The following RBL1 variants were observed in gnomAD, a reference collection of about 807,000 sequenced individuals.
The protein encoded by RBL1 is RB transcriptional corepressor like 1.
A neutral mutation model predicts 123.0 loss-of-function variants in RBL1; 82 were observed. The ratio of observed to expected loss-of-function variants is 0.67; its 90% CI spans 0.56 to 0.80. RBL1 has a LOEUF of 0.80. Among genes scored for constraint, RBL1 ranks in the 30% least tolerant of loss-of-function variants. The pLI, the probability that RBL1 is intolerant of heterozygous loss-of-function variation, is 0.00. For missense variants in RBL1, 1,171 were observed against 1,299.6 expected (o/e 0.90, Z 1.52); for synonymous variants, 405 against 441.3 (o/e 0.92, Z 1.03).
intron 2 of RBL1, among the ~76,000 whole-genome samples, chr20:37,072,222 A>G (rs1370978921): frequency 2.0e-5 from 3 of 152,232 alleles, no homozygotes; most frequent in Non-Finnish European, 2.9e-5. Context: ...TAATCCCAGC[A>G]CTTTGGGAGT....
intron 2 of RBL1, among the ~76,000 whole-genome samples, chr20:37,076,832 A>C (rs570412950): frequency 2.0e-5 from 3 of 152,248 alleles, no homozygotes; most frequent in South Asian, 4.1e-4. Flanking sequence ...TTATCTCTTA[A>C]ACTTTTCACT....
At chr20:37,051,429 C>T (rs1180980759) in intron 11 of RBL1, among the ~76,000 whole-genome samples, 5 of 152,156 alleles carry the variant, frequency 3.3e-5, no homozygotes, top group South Asian at 2.1e-4. Context: ...GATCCACCTG[C>T]GTTGGCCTCC....
intron 19 of RBL1, 129 bp from the exon 20 acceptor site, chr20:37,007,688 AT>A (rs1301080972): frequency 1.2e-6 from 1 of 829,230 alleles, no homozygotes; most frequent in Non-Finnish European, 1.8e-6. Flanking sequence ...GACCTCCTGG[AT>A]TCAAGTGATC....
intron 15 of RBL1, among the ~76,000 whole-genome samples, chr20:37,033,805 C>T (rs549205384): frequency 1.5e-4 from 22 of 151,652 alleles, no homozygotes; most frequent in South Asian, 1.0e-3. Context: ...TTAGTAGAGA[C>T]GGGGTTTCAC....
intron 2 of RBL1, among the ~76,000 whole-genome samples, chr20:37,069,105 G>C (rs1600574095): frequency 6.6e-6 from 1 of 152,272 alleles, no homozygotes; most frequent in African/African-American, 2.4e-5. Context: ...CTCCCGAGGT[G>C]CCGGGATTGC....
chr20:37,054,342 G>A (rs1183910598), intron 11 of RBL1, among the ~76,000 whole-genome samples: 1 of 151,908 alleles, frequency 6.6e-6, no homozygotes, highest in Non-Finnish European at 1.5e-5. Context: ...AAAATTAGCT[G>A]GGTGTGGTGG....
intron 19 of RBL1, among the ~76,000 whole-genome samples, chr20:37,013,273 TG>T (rs2064193883): frequency 6.6e-6 from 1 of 151,994 alleles, no homozygotes; most frequent in African/African-American, 2.4e-5. Context: ...GGGATCCTGT[TG>T]ATCTGTGACC....
chr20:37,003,568 A>G (rs1449251786), intron 21 of RBL1, 134 bp downstream of exon 21: 1 of 1,314,742 alleles, frequency 7.6e-7, no homozygotes, highest in East Asian at 2.7e-5. Context: ...ATGAGAGGAG[A>G]CATGCCATAG....
chr20:37,006,093 G>GT (rs1441802483), intron 20 of RBL1, among the ~76,000 whole-genome samples: 2 of 151,034 alleles, frequency 1.3e-5, no homozygotes, highest in Non-Finnish European at 3.0e-5. Context: ...AAGAGACAGG[G>GT]TCTTCCTGTG....
rs114935745 is a variant in RBL1, at chr20:37,028,644, G to A, written c.2382+4021C>T. On this transcript the variant is annotated intron_variant, in intron 16 of 21. Transcript: ENST00000373664. ...AGATCCAACATGTATTTGTCCCACA[G>A]TGAACTCCATTCTACGGCAACATAA... Among the ~76,000 whole-genome samples the A allele has an allele frequency of 1.0e-3, 159 of 152,300 alleles. 1 individual carries two copies. The highest frequency in any genetic ancestry group is 3.7e-3 in the African/African-American group (153 of 41,564).
At chr20:37,022,176 G>C (rs2064351385) in intron 17 of RBL1, among the ~76,000 whole-genome samples, 1 of 152,146 alleles carries the variant, frequency 6.6e-6, no homozygotes. Flanking sequence ...GTACAGTCAA[G>C]ACAAATGATT....
chr20:37,048,232 GT>G (rs1444532111), intron 11 of RBL1, among the ~76,000 whole-genome samples: 11 of 152,326 alleles, frequency 7.2e-5, no homozygotes, highest in Admixed American at 7.2e-4. Context: ...AGAATGGGAA[GT>G]GGGGGTGAAG....
At chr20:37,001,141 CCCGGCCAGCCGCCCCGT>C (rs1482517845) in intron 21 of RBL1, among the ~76,000 whole-genome samples, 1 of 149,576 alleles carries the variant, frequency 6.7e-6, no homozygotes, top group Non-Finnish European at 1.5e-5. Flanking sequence ...CAGCCCCCCG[CCCGGCCAGCCGCCCCGT>C]CCGGGAGGTG....
At chr20:37,094,870 T>G (rs1293554454) in intron 1 of RBL1, among the ~76,000 whole-genome samples, 1 of 152,230 alleles carries the variant, frequency 6.6e-6, no homozygotes, top group African/African-American at 2.4e-5. Context: ...ACTCCTGGCC[T>G]CAAGTGATCC....
Position 37,090,059 on chromosome 20 carries a change from A to C in RBL1, c.157-937T>G, listed in dbSNP as rs142130117. 2.3e-3 allele frequency among the ~76,000 whole-genome samples: 357 copies of C among 152,290 alleles called. 1 individual carries two copies. Among genetic ancestry groups the C allele is most frequent in the Non-Finnish European group, 3.8e-3 (257 of 68,024 alleles). ...ACAGGGACACTCTGTCACACACACA[A>C]AAAAGATTGTAATACTGTATGTTCT... On this transcript the variant is annotated intron_variant, in intron 1 of 21. Coordinates refer to ENST00000373664, the MANE Select transcript of RBL1 (RefSeq NM_002895.5).
chr20:37,047,416 T>C (rs1344213239), intron 11 of RBL1, among the ~76,000 whole-genome samples: 1 of 152,210 alleles, frequency 6.6e-6, no homozygotes, highest in Non-Finnish European at 1.5e-5. Context: ...CAATCTGCTT[T>C]GAAATCTGAA....
intron 2 of RBL1, among the ~76,000 whole-genome samples, chr20:37,084,680 A>C (rs1164876130): frequency 6.6e-6 from 1 of 152,204 alleles, no homozygotes; most frequent in Non-Finnish European, 1.5e-5. Flanking sequence ...CCTGAGTGAC[A>C]GAGCAAGACT....
intron 6 of RBL1, among the ~76,000 whole-genome samples, chr20:37,066,522 A>G (rs2065178691): frequency 6.6e-6 from 1 of 152,232 alleles, no homozygotes; most frequent in Non-Finnish European, 1.5e-5. Context: ...CCAACAGTAC[A>G]TATAGTTGGT....
intron 19 of RBL1, among the ~76,000 whole-genome samples, chr20:37,011,452 T>TG (rs11428648): frequency 6.6e-6 from 1 of 150,480 alleles, no homozygotes; most frequent in Non-Finnish European, 1.5e-5. Flanking sequence ...TTTTTTTTTT[T>TG]GAGAAAGAGT....
Sources: allele counts gnomAD v4.1 joint callset (sites outside exome capture counted in the v4.1 genomes callset), GRCh38; gene constraint gnomAD v4.1.1; transcripts MANE v1.5; gene names NCBI Gene and HGNC (gene_info 2026-07-23, HGNC 2026-07-21).